The following HDX variants were observed in gnomAD, a reference collection of about 807,000 sequenced individuals.
The protein encoded by HDX is chromosome X open reading frame 43.
A neutral mutation model predicts 45.2 loss-of-function variants in HDX; 19 were observed. The ratio of observed to expected loss-of-function variants is 0.42; its 90% CI spans 0.29 to 0.62. HDX has a LOEUF of 0.62. Among genes scored for constraint, HDX ranks in the 20% least tolerant of loss-of-function variants. HDX has a pLI of 0.20. For missense variants in HDX, 532 were observed against 493.9 expected (o/e 1.08, Z -0.73); for synonymous variants, 188 against 172.8 (o/e 1.09, Z -0.69).
intron 8 of HDX, among the ~76,000 whole-genome samples, chrX:84,334,686 A>C (rs762367003): frequency 9.1e-6 from 1 of 109,342 alleles, no homozygotes; most frequent in African/African-American, 3.3e-5. Flanking sequence ...AAAAAAAAAA[A>C]AGGTATAAGT....
chrX:84,470,268 A>G (rs2040431671), intron 3 of HDX, among the ~76,000 whole-genome samples: 1 of 111,621 alleles, frequency 9.0e-6, no homozygotes, highest in African/African-American at 3.3e-5. Flanking sequence ...GTGCTCTCCA[A>G]TGTATGAGTT....
intron 1 of HDX, among the ~76,000 whole-genome samples, chrX:84,500,986 T>A (rs2041107925): frequency 9.5e-6 from 1 of 105,438 alleles, no homozygotes; most frequent in African/African-American, 3.6e-5. Flanking sequence ...ACTACATGGG[T>A]GCTGATGAGA....
chrX:84,452,867 C>T (rs1266873060), intron 4 of HDX, among the ~76,000 whole-genome samples: 2 of 111,653 alleles, frequency 1.8e-5, no homozygotes, highest in Non-Finnish European at 3.8e-5. Flanking sequence ...TATAAAACTA[C>T]TGGAAGGAAA....
chrX:84,379,195 T>A (rs934524435), intron 5 of HDX, among the ~76,000 whole-genome samples: 2 of 109,352 alleles, frequency 1.8e-5, no homozygotes, highest in South Asian at 3.8e-4. Context: ...AAATTTGATT[T>A]TATATATATA....
chrX:84,329,701 T>G (rs929521005), intron 9 of HDX, among the ~76,000 whole-genome samples: 14 of 111,897 alleles, frequency 1.3e-4, no homozygotes, highest in African/African-American at 4.2e-4. Flanking sequence ...AGTAACCTGA[T>G]TAAAAATAAA....
At chrX:84,481,662 A>C (rs769921828) in intron 2 of HDX, among the ~76,000 whole-genome samples, 1 of 110,944 alleles carries the variant, frequency 9.0e-6, no homozygotes, top group South Asian at 3.8e-4. Flanking sequence ...ATTTTTTTTT[A>C]ATTCTTAAAT....
intron 5 of HDX, among the ~76,000 whole-genome samples, chrX:84,408,906 T>A (rs1269377025): frequency 9.0e-6 from 1 of 110,743 alleles, no homozygotes; most frequent in Non-Finnish European, 1.9e-5. Context: ...TTTTTGTACA[T>A]CAATTTTGTA....
At chrX:84,459,794 G>A (rs188540531) in intron 4 of HDX, among the ~76,000 whole-genome samples, 9 of 111,563 alleles carry the variant, frequency 8.1e-5, no homozygotes, top group East Asian at 5.6e-4. Flanking sequence ...AACCTTTAGC[G>A]AGACTGTGGG....
chrX:84,457,747 A>C (rs2040143777), intron 4 of HDX, among the ~76,000 whole-genome samples: 1 of 111,852 alleles, frequency 8.9e-6, no homozygotes, highest in Non-Finnish European at 1.9e-5. Context: ...TTTTCAGTCC[A>C]GAAGTGGCAG....
intron 5 of HDX, among the ~76,000 whole-genome samples, chrX:84,391,791 T>C (rs993085077): frequency 8.9e-6 from 1 of 111,815 alleles, no homozygotes; most frequent in Non-Finnish European, 1.9e-5. Flanking sequence ...AATAGGATTG[T>C]TTTTTAGCTA....
At chrX:84,475,645 G>A (rs986201803) in intron 2 of HDX, among the ~76,000 whole-genome samples, 1 of 111,584 alleles carries the variant, frequency 9.0e-6, no homozygotes, top group African/African-American at 3.3e-5. Context: ...AAAAAGACAG[G>A]AAATAAAAAA....
At chrX:84,375,980 T>C (rs2038046714) in intron 5 of HDX, among the ~76,000 whole-genome samples, 1 of 112,405 alleles carries the variant, frequency 8.9e-6, no homozygotes, top group Non-Finnish European at 1.9e-5. Flanking sequence ...AAAACAATTT[T>C]TGGCTTAGAA....
chrX:84,382,959 G>A (rs1034596317), intron 5 of HDX, among the ~76,000 whole-genome samples: 1 of 110,542 alleles, frequency 9.0e-6, no homozygotes, highest in African/African-American at 3.3e-5. Flanking sequence ...CATCTCATGC[G>A]CCGCATAATA....
At chrX:84,454,879 C>T (rs1466695696) in intron 4 of HDX, among the ~76,000 whole-genome samples, 1 of 110,668 alleles carries the variant, frequency 9.0e-6, no homozygotes, top group African/African-American at 3.3e-5. Flanking sequence ...CACAGAGAGA[C>T]TTTGTTTGTT....
chrX:84,396,996 G>A (rs1485055279), intron 5 of HDX, among the ~76,000 whole-genome samples: 3 of 112,151 alleles, frequency 2.7e-5, no homozygotes, highest in Non-Finnish European at 5.6e-5. Flanking sequence ...CACTGGGAAG[G>A]GTGGGGTTGC....
chrX:84,326,297 C>T lies in HDX; in HGVS notation c.1828G>A (p.Glu610Lys), dbSNP rs748029772. 2.6e-5 allele frequency: 31 copies of T among 1,181,188 alleles called. No individual in the cohort carries two copies. Among genetic ancestry groups the T allele is most frequent in the Non-Finnish European group, 3.3e-5 (29 of 869,960 alleles). ...QVNSFLDYKN[E>K]EVKFIENELE... ...TCATTTTCAATGAATTTGACTTCTT[C>T]ATTCTGAAAGAGAAAATACCAAATG... Residue 610 changes from glutamate to lysine, a missense_variant, in exon 10 of 11, where the codon GAA (glutamate) becomes AAA (lysine). Physicochemically the swap from Glu to Lys is moderately conservative, Grantham distance 56. This residue lies in a region of HDX where 151 missense variants were observed against 131.8 expected (regional missense o/e 1.15). Transcript: ENST00000373177.
chrX:84,383,626 G>A (rs1228866463), intron 5 of HDX, among the ~76,000 whole-genome samples: 1 of 111,054 alleles, frequency 9.0e-6, no homozygotes, highest in Non-Finnish European at 1.9e-5. Flanking sequence ...TACATGCACA[G>A]GTTTGTTACA....
chrX:84,392,379 G>A (rs957591388), intron 5 of HDX, among the ~76,000 whole-genome samples: 1 of 110,690 alleles, frequency 9.0e-6, no homozygotes, highest in Non-Finnish European at 1.9e-5. Context: ...TTTTTCCCAG[G>A]ATTGCTTTCG....
At chrX:84,337,515 G>T (rs2036992720) in intron 7 of HDX, among the ~76,000 whole-genome samples, 1 of 110,557 alleles carries the variant, frequency 9.0e-6, no homozygotes, top group African/African-American at 3.3e-5. Context: ...ATTCAAATAA[G>T]AAAAAAGTCA....
Sources: gnomAD v4.1 joint callset for allele counts (sites outside exome capture counted in the v4.1 genomes callset) on GRCh38, gnomAD v4.1.1 for gene constraint, gnomAD v4.1.1 regional missense constraint, MANE v1.5 for transcripts, NCBI Gene and HGNC (gene_info 2026-07-23, HGNC 2026-07-21) for gene names.